KCTD16: variants seen among roughly 807,000 people sequenced by gnomAD.
KCTD16 encodes potassium channel tetramerization domain containing 16.
KCTD16 carries 13 observed loss-of-function variants against 33.2 expected under a neutral mutation model. That is an observed-to-expected ratio of 0.39 (90% CI 0.25 to 0.62). The LOEUF (loss-of-function observed/expected upper bound fraction) is 0.62, where lower values mean the gene tolerates loss of function less well. Ranked by LOEUF, KCTD16 falls within the 20% of genes least tolerant of loss-of-function variation. KCTD16 has a pLI of 0.50. For missense variants in KCTD16, 441 were observed against 525.1 expected, an observed-to-expected ratio of 0.84 and a Z score of 1.57; for synonymous variants, 197 against 195.3, an observed-to-expected ratio of 1.01 and a Z score of -0.07.
At chr5:144,216,752 G>A (rs180768948) in intron 3 of KCTD16, among the ~76,000 whole-genome samples, 1 of 151,818 alleles carries the variant, frequency 6.6e-6, no homozygotes, top group East Asian at 1.9e-4. Flanking sequence ...GCTGAGGCAG[G>A]AGAATTGCTT....
chr5:144,350,850 G>A (rs368244327), intron 3 of KCTD16, among the ~76,000 whole-genome samples: 11 of 149,776 alleles, frequency 7.3e-5, no homozygotes, highest in South Asian at 2.1e-4. Context: ...TGTCACATGC[G>A]GATATTTTGT....
intron 3 of KCTD16, among the ~76,000 whole-genome samples, chr5:144,356,742 C>A (rs1175789381): frequency 1.3e-5 from 2 of 152,060 alleles, no homozygotes; most frequent in South Asian, 2.1e-4. Context: ...TGGGAAAGGA[C>A]AACATAGTTT....
chr5:144,191,545 A>T (rs1424533676), intron 2 of KCTD16, among the ~76,000 whole-genome samples: 1 of 152,156 alleles, frequency 6.6e-6, no homozygotes, highest in Non-Finnish European at 1.5e-5. Context: ...TTCAAAGTGC[A>T]ATAGCAACTC....
chr5:144,351,934 G>T (rs1168479159), intron 3 of KCTD16, among the ~76,000 whole-genome samples: 1 of 152,126 alleles, frequency 6.6e-6, no homozygotes, highest in African/African-American at 2.4e-5. Context: ...CAGTGAGATA[G>T]TAGAAATAAG....
intron 3 of KCTD16, among the ~76,000 whole-genome samples, chr5:144,433,663 C>T (rs1204958560): frequency 6.6e-6 from 1 of 152,174 alleles, no homozygotes; most frequent in African/African-American, 2.4e-5. Context: ...TTCACCTTCA[C>T]TGGCTTCCCA....
intron 3 of KCTD16, among the ~76,000 whole-genome samples, chr5:144,348,802 GTGTT>G (rs1474436912): frequency 2.0e-5 from 3 of 152,130 alleles, no homozygotes; most frequent in African/African-American, 7.2e-5. Context: ...ATATTGACTT[GTGTT>G]TGTTTATTCT....
At chr5:144,238,428 A>G (rs1281457132) in intron 3 of KCTD16, among the ~76,000 whole-genome samples, 1 of 152,016 alleles carries the variant, frequency 6.6e-6, no homozygotes, top group African/African-American at 2.4e-5. Flanking sequence ...GGAGTATTAG[A>G]TCCCTTTAGT....
intron 3 of KCTD16, among the ~76,000 whole-genome samples, chr5:144,386,766 C>CA (rs980099159): frequency 2.0e-5 from 3 of 151,650 alleles, no homozygotes; most frequent in Admixed American, 6.6e-5. Flanking sequence ...TTTGGTAAAA[C>CA]AAAAAAACAA....
chr5:144,367,258 G>A (rs541069520), intron 3 of KCTD16, among the ~76,000 whole-genome samples: 7 of 152,282 alleles, frequency 4.6e-5, no homozygotes, highest in African/African-American at 1.7e-4. Context: ...GGGGAAGGGT[G>A]GGTGTAGAGC....
chr5:144,439,471 G>A (rs1753651934), intron 3 of KCTD16: 2 of 260,496 alleles, frequency 7.7e-6, no homozygotes, highest in Non-Finnish European at 1.5e-5. Flanking sequence ...AAGCCAGATG[G>A]TAAATGAAGT....
chr5:144,205,550 G>T, intron 2 of KCTD16: 1 of 398,792 alleles, frequency 2.5e-6, no homozygotes. Context: ...TTGCCGGCAG[G>T]TGGGGTGGCT....
chr5:144,312,606 C>T (rs1395773588), intron 3 of KCTD16, among the ~76,000 whole-genome samples: 1 of 152,158 alleles, frequency 6.6e-6, no homozygotes, highest in African/African-American at 2.4e-5. Flanking sequence ...CACTTGCAGT[C>T]TAATTTTTTA....
intron 3 of KCTD16, among the ~76,000 whole-genome samples, chr5:144,268,698 A>G (rs988249248): frequency 1.3e-5 from 2 of 152,182 alleles, no homozygotes; most frequent in Admixed American, 6.5e-5. Context: ...GCATCCAAAG[A>G]AACAGAAAAG....
intron 3 of KCTD16, among the ~76,000 whole-genome samples, chr5:144,257,519 C>T (rs1025954564): frequency 2.6e-5 from 4 of 151,772 alleles, no homozygotes; most frequent in East Asian, 3.9e-4. Context: ...GACAGAGTCT[C>T]GCTCTGTCGC....
At chr5:144,302,762 T>C (rs1751477068) in intron 3 of KCTD16, among the ~76,000 whole-genome samples, 1 of 152,238 alleles carries the variant, frequency 6.6e-6, no homozygotes, top group South Asian at 2.1e-4. Flanking sequence ...GTATAGAATG[T>C]TTTCAAATTG....
chr5:144,342,435 G>A (rs1203885195), intron 3 of KCTD16, among the ~76,000 whole-genome samples: 1 of 152,148 alleles, frequency 6.6e-6, no homozygotes, highest in African/African-American at 2.4e-5. Context: ...TGTATCCTGA[G>A]ACTTTGCTGA....
intron 3 of KCTD16, among the ~76,000 whole-genome samples, chr5:144,337,544 T>A (rs1377536818): frequency 2.0e-5 from 3 of 150,706 alleles, no homozygotes; most frequent in Non-Finnish European, 4.4e-5. Flanking sequence ...TTACATTTAC[T>A]TTTTATGTGA....
chr5:144,345,863 T>C (rs540680070), intron 3 of KCTD16, among the ~76,000 whole-genome samples: 2 of 152,256 alleles, frequency 1.3e-5, no homozygotes, highest in South Asian at 4.1e-4. Flanking sequence ...AATCTGATTA[T>C]ACTCTTTAAG....
intron 3 of KCTD16, among the ~76,000 whole-genome samples, chr5:144,227,176 T>G (rs1222890488): frequency 6.6e-6 from 1 of 152,108 alleles, no homozygotes; most frequent in Non-Finnish European, 1.5e-5. Context: ...AGATAAACAC[T>G]ATGGAGAATG....
Sources: gnomAD v4.1 joint callset for allele counts (sites outside exome capture counted in the v4.1 genomes callset) on GRCh38, gnomAD v4.1.1 for gene constraint, MANE v1.5 for transcripts, NCBI Gene and HGNC (gene_info 2026-07-23, HGNC 2026-07-21) for gene names.